Variants in TBC1D22A observed in about 807,000 individuals in gnomAD.
TBC1D22A encodes putative GTPase activator.
Under a neutral mutation model 60.2 loss-of-function variants are expected in TBC1D22A, and 38 were observed. That is an observed-to-expected ratio of 0.63 (90% CI 0.49 to 0.83). The LOEUF (loss-of-function observed/expected upper bound fraction) is 0.83. Among genes scored for constraint, TBC1D22A ranks in the 40% least tolerant of loss-of-function variants. TBC1D22A has a pLI of 0.00. For missense variants in TBC1D22A, 628 were observed against 701.0 expected (o/e 0.90, Z 1.18); for synonymous variants, 302 against 281.7 (o/e 1.07, Z -0.72).
At chr22:46,905,736 C>T (rs907251660) in intron 7 of TBC1D22A, among the ~76,000 whole-genome samples, 2 of 152,224 alleles carry the variant, frequency 1.3e-5, no homozygotes, top group African/African-American at 4.8e-5. Context: ...AGGGGCCAAG[C>T]TTCCCCCTGC....
At chr22:46,885,517 A>G (rs2063641204) in intron 5 of TBC1D22A, among the ~76,000 whole-genome samples, 1 of 152,230 alleles carries the variant, frequency 6.6e-6, no homozygotes, top group African/African-American at 2.4e-5. Context: ...GGGGGCAAAG[A>G]AAAAGAAGTA....
intron 11 of TBC1D22A, among the ~76,000 whole-genome samples, chr22:47,082,861 A>G (rs1031741351): frequency 6.6e-6 from 1 of 152,228 alleles, no homozygotes; most frequent in African/African-American, 2.4e-5. Flanking sequence ...AGGTATGTGC[A>G]TGAGAACTGA....
intron 12 of TBC1D22A, among the ~76,000 whole-genome samples, chr22:47,154,211 CCT>C (rs1175221542): frequency 6.6e-6 from 1 of 152,106 alleles, no homozygotes; most frequent in African/African-American, 2.4e-5. Flanking sequence ...CCTGTGTGCC[CCT>C]GTCACCCTCC....
At chr22:46,814,379 A>C (rs985047678) in intron 4 of TBC1D22A, among the ~76,000 whole-genome samples, 2 of 152,198 alleles carry the variant, frequency 1.3e-5, no homozygotes, top group African/African-American at 4.8e-5. Context: ...TGACATTCCA[A>C]GATTTTGACG....
chr22:47,003,842 C>T (rs1465843811), intron 10 of TBC1D22A, among the ~76,000 whole-genome samples: 19 of 144,772 alleles, frequency 1.3e-4, no homozygotes, highest in Non-Finnish European at 1.8e-4. Context: ...ACACACCCTA[C>T]GCACACATGC....
chr22:46,996,845 C>G (rs185114632), intron 9 of TBC1D22A, among the ~76,000 whole-genome samples: 1 of 152,164 alleles, frequency 6.6e-6, no homozygotes, highest in Non-Finnish European at 1.5e-5. Flanking sequence ...GTCACTGCCC[C>G]GGTACCTGCT....
At chr22:46,841,239 T>A (rs1189083095) in intron 4 of TBC1D22A, among the ~76,000 whole-genome samples, 10 of 152,098 alleles carry the variant, frequency 6.6e-5, no homozygotes, top group African/African-American at 1.9e-4. Flanking sequence ...ATGGATGAGG[T>A]TAGGGCCCTT....
At chr22:46,861,355 T>C (rs1351419152) in intron 4 of TBC1D22A, among the ~76,000 whole-genome samples, 2 of 152,230 alleles carry the variant, frequency 1.3e-5, no homozygotes, top group Non-Finnish European at 2.9e-5. Flanking sequence ...AAAACATTCA[T>C]CTTTTCAGGT....
At chr22:46,966,186 G>A (rs1025828038) in intron 8 of TBC1D22A, among the ~76,000 whole-genome samples, 2 of 152,096 alleles carry the variant, frequency 1.3e-5, no homozygotes, top group African/African-American at 4.8e-5. Flanking sequence ...CGATCCTGCC[G>A]CCCTCCAGGC....
intron 10 of TBC1D22A, among the ~76,000 whole-genome samples, chr22:47,025,854 T>C (rs942985051): frequency 6.6e-6 from 1 of 152,100 alleles, no homozygotes; most frequent in South Asian, 2.1e-4. Context: ...AATTGGATAG[T>C]ACCGAGTGTG....
At chr22:46,973,963 T>G (rs1354115389) in intron 8 of TBC1D22A, among the ~76,000 whole-genome samples, 5 of 152,256 alleles carry the variant, frequency 3.3e-5, no homozygotes, top group Non-Finnish European at 7.3e-5. Flanking sequence ...GAAAAAACTT[T>G]CAGATCTGTT....
At chr22:46,931,173 C>T (rs1454075723) in intron 8 of TBC1D22A, among the ~76,000 whole-genome samples, 1 of 152,156 alleles carries the variant, frequency 6.6e-6, no homozygotes, top group Non-Finnish European at 1.5e-5. Flanking sequence ...CAAAGGATTC[C>T]TTTCTCCATT....
rs570751261 is a variant in TBC1D22A at position 47,039,935 on chromosome 22, CTTTTTTTTTTTT to C, written c.1329+2753_1329+2764del. 2.8e-4 allele frequency among the ~76,000 whole-genome samples: 22 copies of C among 77,296 alleles called. No homozygotes were observed. In the East Asian group the frequency reaches 4.1e-3, roughly 14 times the overall value. 50.7% of individuals were successfully genotyped at this position (77,296 alleles called of 152,430 possible). A position where few individuals can be genotyped will look rare whatever the true frequency, so the allele number is the denominator to read the frequency against. On this transcript the variant is annotated intron_variant, in intron 11 of 12. Coordinates refer to ENST00000337137, the MANE Select transcript of TBC1D22A (RefSeq NM_014346.5). Reference sequence around the variant, plus strand: ...CAAGGCGTCGGGGAGGTGCCACAGCCTTTTTTTTTTTTTTTTTTTTTTTTTTTGAGACAGAGT... The same window carrying C: ...CAAGGCGTCGGGGAGGTGCCACAGCCTTTTTTTTTTTTTTTGAGACAGAGT...
chr22:47,158,977 A>G (rs530895567), intron 12 of TBC1D22A, among the ~76,000 whole-genome samples: 4 of 151,134 alleles, frequency 2.6e-5, no homozygotes, highest in African/African-American at 9.7e-5. Context: ...CACCACACAC[A>G]ACACACACCA....
chr22:46,872,322 C>G (rs1242899501), intron 4 of TBC1D22A, among the ~76,000 whole-genome samples: 1 of 151,924 alleles, frequency 6.6e-6, no homozygotes, highest in Non-Finnish European at 1.5e-5. Context: ...TTTAAGGTAA[C>G]ATAATCCCGA....
chr22:46,892,402 G>A (rs1340451924), intron 6 of TBC1D22A, among the ~76,000 whole-genome samples: 3 of 152,164 alleles, frequency 2.0e-5, no homozygotes, highest in Non-Finnish European at 4.4e-5. Context: ...ATGGGACACA[G>A]GGCTGCAGGA....
At chr22:46,941,439 CACGGAATATATAT>C (rs1569248087) in intron 8 of TBC1D22A, among the ~76,000 whole-genome samples, 1 of 131,486 alleles carries the variant, frequency 7.6e-6, no homozygotes, top group Non-Finnish European at 1.6e-5. Flanking sequence ...AATATATATA[CACGGAATATATAT>C]ACGGAATATA....
At chr22:47,008,570 C>T (rs1214697033) in intron 10 of TBC1D22A, among the ~76,000 whole-genome samples, 1 of 152,240 alleles carries the variant, frequency 6.6e-6, no homozygotes, top group East Asian at 1.9e-4. Flanking sequence ...ATCTGCCCAC[C>T]TGCTGTGCAG....
In TBC1D22A at chr22:46,838,515, CT is replaced by C. The variant is rs200281412; in HGVS notation, c.638-40135del. Among the ~76,000 whole-genome samples the C allele has an allele frequency of 9.1e-3, 1,385 of 151,980 alleles. 21 individuals are homozygous for C. The highest frequency in any genetic ancestry group is 0.032 in the African/African-American group (1,319 of 41,400). ...AATGAATGTCAGTTCTTCTCAAAGT[CT>C]TTCCAAAAATTGAAGTGGAGGGAAC... On this transcript the variant is annotated intron_variant, in intron 4 of 12. Transcript: ENST00000337137.
Sources: allele counts gnomAD v4.1 joint callset (sites outside exome capture counted in the v4.1 genomes callset), GRCh38; gene constraint gnomAD v4.1.1; transcripts MANE v1.5; gene names NCBI Gene and HGNC (gene_info 2026-07-23, HGNC 2026-07-21).